Variants in IL1RAPL1 observed in about 807,000 individuals in gnomAD.
IL1RAPL1 encodes the protein interleukin 1 receptor accessory protein like 1.
IL1RAPL1 carries 3 observed loss-of-function variants against 48.4 expected under a neutral mutation model. That is an observed-to-expected ratio of 0.06 (90% CI 0.03 to 0.16). The LOEUF (loss-of-function observed/expected upper bound fraction) is 0.16. Among genes scored for constraint, IL1RAPL1 ranks in the 10% least tolerant of loss-of-function variants. The probability of loss-of-function intolerance (pLI) is 1.00; values close to 1 mark genes in which losing one functional copy is unlikely to be tolerated. For synonymous variants in IL1RAPL1, 185 were observed against 187.7 expected, an observed-to-expected ratio of 0.99 and a Z score of 0.12; for missense variants, 349 against 530.6, an observed-to-expected ratio of 0.66 and a Z score of 3.36.
chrX:28,813,457 G>A (rs891967348), intron 2 of IL1RAPL1, among the ~76,000 whole-genome samples: 1 of 111,036 alleles, frequency 9.0e-6, no homozygotes, highest in African/African-American at 3.3e-5. Context: ...CCAGAATGTG[G>A]TCTATCTTCA....
intron 2 of IL1RAPL1, among the ~76,000 whole-genome samples, chrX:28,934,359 G>T (rs753502543): frequency 3.5e-4 from 39 of 110,819 alleles, no homozygotes; most frequent in Admixed American, 6.8e-4. Flanking sequence ...AAACCTTTTC[G>T]CTAACTGCCT....
At chrX:29,356,772 G>A (rs1382513812) in intron 3 of IL1RAPL1, among the ~76,000 whole-genome samples, 1 of 111,116 alleles carries the variant, frequency 9.0e-6, no homozygotes, top group Non-Finnish European at 1.9e-5. Context: ...ATTTCTCTGA[G>A]ATATACATGT....
chrX:29,356,797 C>T (rs953282487), intron 3 of IL1RAPL1, among the ~76,000 whole-genome samples: 1 of 111,061 alleles, frequency 9.0e-6, no homozygotes, highest in Admixed American at 9.6e-5. Flanking sequence ...GTGGAATGGC[C>T]GTGTTATAGG....
chrX:29,512,519 G>A (rs1036912870), intron 5 of IL1RAPL1, among the ~76,000 whole-genome samples: 74 of 80,373 alleles, frequency 9.2e-4, no homozygotes, highest in East Asian at 5.8e-3. Flanking sequence ...GTCAAATCTC[G>A]TTAATATTTT....
At chrX:28,947,071 T>C (rs1569205318) in intron 2 of IL1RAPL1, among the ~76,000 whole-genome samples, 1 of 111,785 alleles carries the variant, frequency 8.9e-6, no homozygotes, top group East Asian at 2.8e-4. Context: ...GTTCCATTTT[T>C]CTTTTGACCA....
intron 5 of IL1RAPL1, among the ~76,000 whole-genome samples, chrX:29,400,782 T>C (rs909427391): frequency 8.9e-6 from 1 of 112,270 alleles, no homozygotes; most frequent in African/African-American, 3.2e-5. Context: ...ATCTGTTACT[T>C]AATTTTTTCC....
chrX:29,723,319 G>T (rs1430003550), intron 6 of IL1RAPL1, among the ~76,000 whole-genome samples: 1 of 112,410 alleles, frequency 8.9e-6, no homozygotes, highest in East Asian at 2.8e-4. Context: ...TGCGATCTCG[G>T]CTCACTGCAA....
chrX:29,797,728 C>T (rs1173264121), intron 6 of IL1RAPL1, among the ~76,000 whole-genome samples: 1 of 110,878 alleles, frequency 9.0e-6, no homozygotes, highest in Non-Finnish European at 1.9e-5. Flanking sequence ...CAAAAATTAG[C>T]CAGTCGCGGT....
chrX:29,802,091 G>A (rs1368816284), intron 6 of IL1RAPL1, among the ~76,000 whole-genome samples: 1 of 112,000 alleles, frequency 8.9e-6, no homozygotes, highest in African/African-American at 3.2e-5. Flanking sequence ...GTGTATGTCT[G>A]TGTTTGATTT....
At chrX:28,932,785 T>C (rs1389784978) in intron 2 of IL1RAPL1, among the ~76,000 whole-genome samples, 1 of 110,386 alleles carries the variant, frequency 9.1e-6, no homozygotes, top group East Asian at 2.8e-4. Flanking sequence ...AATGGGGATT[T>C]AGTAGAAAAA....
chrX:29,319,364 A>ATTTT lies in IL1RAPL1; in HGVS notation c.362+36164_362+36167dup, dbSNP rs762918998. 4.0e-4 allele frequency among the ~76,000 whole-genome samples: 23 copies of ATTTT among 58,149 alleles called. 1 individual carries two copies. Among genetic ancestry groups the ATTTT allele is most frequent in the African/African-American group, 8.8e-4 (12 of 13,683 alleles). 50.5% of individuals were successfully genotyped at this position (58,149 alleles called of 115,157 possible). On this transcript the variant is annotated intron_variant, in intron 3 of 10. Coordinates refer to ENST00000378993, the MANE Select transcript of IL1RAPL1 (RefSeq NM_014271.4). ...ACCCCACTGCATGTAGATAAATTTA[A>ATTTT]TTTTTTTTTTTTTTTTTTTTGTAGA...
At chrX:29,692,936 A>G (rs1569147515) in intron 6 of IL1RAPL1, among the ~76,000 whole-genome samples, 1 of 111,950 alleles carries the variant, frequency 8.9e-6, no homozygotes, top group Non-Finnish European at 1.9e-5. Context: ...TGCACTGGTC[A>G]GATTCACAGA....
intron 2 of IL1RAPL1, among the ~76,000 whole-genome samples, chrX:28,881,648 A>G (rs763477331): frequency 4.5e-5 from 5 of 111,834 alleles, no homozygotes; most frequent in South Asian, 3.7e-4. Flanking sequence ...AATCAGGAAA[A>G]TGAACAAAAT....
chrX:28,785,231 C>T (rs1449634160), intron 1 of IL1RAPL1, among the ~76,000 whole-genome samples: 2 of 111,543 alleles, frequency 1.8e-5, no homozygotes, highest in Non-Finnish European at 3.8e-5. Flanking sequence ...CTTAAGTGAT[C>T]CACCCGCCTC....
intron 5 of IL1RAPL1, among the ~76,000 whole-genome samples, chrX:29,416,623 G>A (rs12014917): frequency 0.043 from 4,787 of 111,814 alleles, 284 homozygotes; most frequent in African/African-American, 0.15. Flanking sequence ...CAGAATAATG[G>A]AAGAGCAGCA....
chrX:29,487,743 T>G (rs936042796), intron 5 of IL1RAPL1, among the ~76,000 whole-genome samples: 2 of 112,064 alleles, frequency 1.8e-5, no homozygotes, highest in Non-Finnish European at 3.8e-5. Context: ...CTATTCAGCC[T>G]AATGGTTTGC....
intron 3 of IL1RAPL1, among the ~76,000 whole-genome samples, chrX:29,343,768 T>C (rs1734224879): frequency 9.0e-6 from 1 of 111,105 alleles, no homozygotes; most frequent in Non-Finnish European, 1.9e-5. Flanking sequence ...TATGTGTCTT[T>C]GTGTGCAATA....
chrX:29,014,861 G>A (rs1926204744), intron 2 of IL1RAPL1, among the ~76,000 whole-genome samples: 1 of 111,405 alleles, frequency 9.0e-6, no homozygotes, highest in Admixed American at 9.6e-5. Flanking sequence ...TTTAAATGTG[G>A]TGATTATGCT....
At chrX:29,042,467 G>A (rs1926868317) in intron 2 of IL1RAPL1, among the ~76,000 whole-genome samples, 1 of 111,514 alleles carries the variant, frequency 9.0e-6, no homozygotes, top group Non-Finnish European at 1.9e-5. Context: ...GTAATTTGGG[G>A]AAGACTCTTA....
Sources: allele counts gnomAD v4.1 joint callset (sites outside exome capture counted in the v4.1 genomes callset), GRCh38; gene constraint gnomAD v4.1.1; transcripts MANE v1.5; gene names NCBI Gene and HGNC (gene_info 2026-07-23, HGNC 2026-07-21).